The following LOXL2 variants were observed in gnomAD, a reference collection of about 807,000 sequenced individuals.
The protein encoded by LOXL2 is lysyl oxidase homolog 2.
In LOXL2, 70 loss-of-function variants were observed where a neutral mutation model predicts 93.0. The observed-to-expected ratio is 0.75, with a 90% CI of 0.62 to 0.92. The LOEUF is 0.92. Among genes scored for constraint, LOXL2 ranks in the 40% least tolerant of loss-of-function variants. The pLI is 0.00. For missense variants in LOXL2, 973 were observed against 1,054.9 expected, an observed-to-expected ratio of 0.92 and a Z score of 1.08; for synonymous variants, 438 against 413.2, an observed-to-expected ratio of 1.06 and a Z score of -0.73.
At chr8:23,349,185 A>G (rs7829982) in intron 3 of LOXL2, among the ~76,000 whole-genome samples, 46,034 of 151,982 alleles carry the variant, frequency 0.3, 9,144 homozygotes, top group African/African-American at 0.56. Context: ...AATCATGGGA[A>G]CATAAGAAGG....
intron 3 of LOXL2, among the ~76,000 whole-genome samples, chr8:23,341,709 G>T (rs769654377): frequency 1.3e-5 from 2 of 152,202 alleles, no homozygotes; most frequent in African/African-American, 4.8e-5. Flanking sequence ...CCTGAAGCTG[G>T]TGGTGCCACC....
intron 1 of LOXL2, among the ~76,000 whole-genome samples, chr8:23,372,762 TA>T (rs1804519709): frequency 6.6e-6 from 1 of 152,106 alleles, no homozygotes; most frequent in South Asian, 2.1e-4. Context: ...TTGATAGAAC[TA>T]AAAGGAAAAA....
chr8:23,356,996 G>A (rs1355994366), intron 3 of LOXL2, among the ~76,000 whole-genome samples: 1 of 152,082 alleles, frequency 6.6e-6, no homozygotes, highest in Non-Finnish European at 1.5e-5. Context: ...ATAAAGGTGG[G>A]GCTAAGCTTT....
chr8:23,361,859 CA>C (rs1297564925), intron 2 of LOXL2, among the ~76,000 whole-genome samples: 20 of 100,708 alleles, frequency 2.0e-4, no homozygotes, highest in East Asian at 1.3e-3. Flanking sequence ...CAAAACAAAA[CA>C]AAACAAACAA....
chr8:23,345,757 T>G (rs543470460), intron 3 of LOXL2, among the ~76,000 whole-genome samples: 2 of 152,240 alleles, frequency 1.3e-5, no homozygotes, highest in South Asian at 4.2e-4. Flanking sequence ...TGAAAGGCAG[T>G]CTAGACTTGC....
rs754287588 is a variant in LOXL2, at chr8:23,360,278, G to T, written c.356-13C>A. ...AACCAGATGGGCCCTGAAGGAGGCAGAGAGGAGAGAAACCAAGTGCTGCGT... is the reference window on the plus strand; with the variant it reads ...AACCAGATGGGCCCTGAAGGAGGCATAGAGGAGAGAAACCAAGTGCTGCGT... On this transcript the variant is annotated splice_polypyrimidine_tract_variant and intron_variant, in intron 2 of 13. Transcript: ENST00000389131. 1.9e-6 allele frequency: 3 copies of T among 1,584,518 alleles called. No homozygotes were observed. In the African/African-American group the frequency reaches 4.0e-5, roughly 21 times the overall value.
At chr8:23,333,304 A>G (rs957375222) in intron 5 of LOXL2, 97 bp downstream of exon 5, 21 of 1,163,574 alleles carry the variant, frequency 1.8e-5, no homozygotes, top group Middle Eastern at 2.2e-4. Context: ...CGCTGAGGCC[A>G]CCCTTCCTCA....
chr8:23,350,013 C>G (rs1804064209), intron 3 of LOXL2, among the ~76,000 whole-genome samples: 1 of 152,092 alleles, frequency 6.6e-6, no homozygotes, highest in South Asian at 2.1e-4. Context: ...ACTTGTGTGA[C>G]TTATGGATAG....
intron 7 of LOXL2, chr8:23,321,624 G>C (rs1563189694): frequency 6.3e-6 from 1 of 158,722 alleles, no homozygotes. Context: ...GGAAGGTCAA[G>C]CCCTTTCCAA....
At chr8:23,377,391 T>A (rs531564612) in intron 1 of LOXL2, among the ~76,000 whole-genome samples, 1 of 151,852 alleles carries the variant, frequency 6.6e-6, no homozygotes, top group Non-Finnish European at 1.5e-5. Context: ...AAGTGCGATG[T>A]GGTGCTGAGA....
intron 1 of LOXL2, among the ~76,000 whole-genome samples, chr8:23,386,601 G>A (rs192787046): frequency 5.0e-4 from 76 of 152,242 alleles, no homozygotes; most frequent in African/African-American, 1.8e-3. Flanking sequence ...AAAGCCTGGT[G>A]GAGATACCAC....
At chr8:23,391,035 A>G (rs1446390025) in intron 1 of LOXL2, among the ~76,000 whole-genome samples, 2 of 152,120 alleles carry the variant, frequency 1.3e-5, no homozygotes, top group Non-Finnish European at 2.9e-5. Flanking sequence ...TCCTTATAAA[A>G]CCATCAGCTC....
chr8:23,349,182 G>A (rs1804048737), intron 3 of LOXL2, among the ~76,000 whole-genome samples: 1 of 152,108 alleles, frequency 6.6e-6, no homozygotes, highest in African/African-American at 2.4e-5. Context: ...GAGAATCATG[G>A]GAACATAAGA....
chr8:23,352,808 C>T (rs1804115787), intron 3 of LOXL2, among the ~76,000 whole-genome samples: 1 of 151,908 alleles, frequency 6.6e-6, no homozygotes, highest in Non-Finnish European at 1.5e-5. Context: ...GTTCTGTCCT[C>T]ATCGTCCCTC....
At position 23,379,217 on chromosome 8, in the gene LOXL2, C is replaced by T. The variant is rs930281438; in HGVS notation, c.-83-10783G>A. 4.6e-5 allele frequency among the ~76,000 whole-genome samples: 7 copies of T among 151,940 alleles called. No homozygotes were observed. In the South Asian group the frequency reaches 6.2e-4, roughly 13 times the overall value. On this transcript the variant is annotated intron_variant, in intron 1 of 13. Coordinates refer to ENST00000389131, the MANE Select transcript of LOXL2 (RefSeq NM_002318.3). ...GGAGGTCCACTCCAGACCCTGTTTG[C>T]CTGGGTATCAGCAGCAGAGGCTGCA...
At chr8:23,304,391 G>A (rs574713357) in intron 10 of LOXL2, among the ~76,000 whole-genome samples, 3 of 152,312 alleles carry the variant, frequency 2.0e-5, no homozygotes, top group African/African-American at 4.8e-5. Context: ...GCCCAGGCCC[G>A]GGGCTGAAGG....
intron 5 of LOXL2, chr8:23,331,794 G>C (rs1460322447): frequency 6.6e-6 from 1 of 152,182 alleles, no homozygotes; most frequent in African/African-American, 2.4e-5. Flanking sequence ...CCAGCACTTT[G>C]GGAGGCTGAG....
At chr8:23,335,500 G>A (rs946889415) in intron 4 of LOXL2, among the ~76,000 whole-genome samples, 25 of 152,320 alleles carry the variant, frequency 1.6e-4, no homozygotes, top group African/African-American at 6.0e-4. Context: ...AAGAGTGACA[G>A]GAGGGAGGGA....
At position 23,297,088 on chromosome 8, in the gene LOXL2, G is replaced by C. The variant is rs182145345; in HGVS notation, c.*955C>G. On this transcript the variant is annotated 3_prime_UTR_variant, in exon 14 of 14. Transcript: ENST00000389131. ...ACCCATGTCCACCGGAGAAAACCAC[G>C]AATGTACCTGAAGCTCTGCTTCTGG... is the stretch of plus-strand genomic sequence containing the variant. 9 of 152,284 alleles carry C rather than the reference G, an allele frequency of 5.9e-5. No homozygotes were observed. The highest frequency in any genetic ancestry group is 2.2e-4 in the African/African-American group (9 of 41,556). The allele number at this position is 152,284 out of a possible 1,614,324, so 9.4% of individuals were successfully genotyped here.
Sources: gnomAD v4.1 joint callset for allele counts (sites outside exome capture counted in the v4.1 genomes callset) on GRCh38, gnomAD v4.1.1 for gene constraint, MANE v1.5 for transcripts, NCBI Gene and HGNC (gene_info 2026-07-23, HGNC 2026-07-21) for gene names.